SMOC1: variants seen among roughly 807,000 people sequenced by gnomAD.
SMOC1 encodes SPARC related modular calcium binding 1.
A neutral mutation model predicts 56.3 loss-of-function variants in SMOC1; 22 were observed. That is an observed-to-expected ratio of 0.39 (90% CI 0.28 to 0.56). SMOC1 has a LOEUF of 0.56. Ranked by LOEUF, SMOC1 falls within the 20% of genes least tolerant of loss-of-function variation. The probability of loss-of-function intolerance (pLI) is 0.61; values close to 1 mark genes in which losing one functional copy is unlikely to be tolerated. For missense variants in SMOC1, 509 were observed against 565.4 expected, an observed-to-expected ratio of 0.90 and a Z score of 1.01; for synonymous variants, 193 against 215.0, an observed-to-expected ratio of 0.90 and a Z score of 0.89.
At chr14:70,024,391 A>G (rs1202189047) in intron 11 of SMOC1, among the ~76,000 whole-genome samples, 3 of 152,192 alleles carry the variant, frequency 2.0e-5, no homozygotes, top group Non-Finnish European at 4.4e-5. Flanking sequence ...CTGTTTTTGT[A>G]CAGCCTGTGA....
intron 1 of SMOC1, among the ~76,000 whole-genome samples, chr14:69,939,637 C>T (rs1882473699): frequency 6.6e-6 from 1 of 152,182 alleles, no homozygotes; most frequent in Admixed American, 6.5e-5. Flanking sequence ...CCAGTCTCCC[C>T]TTAGCTTCTA....
chr14:70,015,649 C>T (rs1240776155), intron 10 of SMOC1, among the ~76,000 whole-genome samples: 2 of 151,928 alleles, frequency 1.3e-5, no homozygotes, highest in Non-Finnish European at 2.9e-5. Context: ...AGGAGCACAG[C>T]ACTAAGTCTG....
intron 1 of SMOC1, among the ~76,000 whole-genome samples, chr14:69,937,092 G>A (rs572758522): frequency 4.6e-5 from 7 of 152,254 alleles, no homozygotes; most frequent in African/African-American, 9.6e-5. Flanking sequence ...GTTATCCTTC[G>A]CATCAGAAAA....
At chr14:69,925,798 T>A (rs770356113) in intron 1 of SMOC1, among the ~76,000 whole-genome samples, 3 of 152,140 alleles carry the variant, frequency 2.0e-5, no homozygotes, top group African/African-American at 4.8e-5. Flanking sequence ...ATCCAGCAAG[T>A]TCATTGTAGG....
At chr14:69,931,400 A>C (rs111638807) in intron 1 of SMOC1, among the ~76,000 whole-genome samples, 5,479 of 152,278 alleles carry the variant, frequency 0.036, 349 homozygotes, top group African/African-American at 0.13. Context: ...CGTCCTCTGG[A>C]CAATTCCATG....
chr14:69,990,376 C>T (rs1026477574), intron 5 of SMOC1, among the ~76,000 whole-genome samples: 3 of 152,204 alleles, frequency 2.0e-5, no homozygotes, highest in Non-Finnish European at 4.4e-5. Flanking sequence ...AAGCCATATG[C>T]ACTTGAGTTC....
intron 11 of SMOC1, 97 bp downstream of exon 11, chr14:70,023,544 T>A: frequency 6.5e-7 from 1 of 1,535,696 alleles, no homozygotes; most frequent in Non-Finnish European, 9.0e-7. Context: ...CAGATACTCA[T>A]CTATTCATCA....
At chr14:69,901,207 G>T (rs893034141) in intron 1 of SMOC1, among the ~76,000 whole-genome samples, 8 of 152,122 alleles carry the variant, frequency 5.3e-5, no homozygotes, top group Non-Finnish European at 8.8e-5. Flanking sequence ...AGTCCATGAG[G>T]GTCCAAAGAG....
chr14:69,910,365 A>G (rs985541305), intron 1 of SMOC1, among the ~76,000 whole-genome samples: 1 of 152,238 alleles, frequency 6.6e-6, no homozygotes, highest in South Asian at 2.1e-4. Context: ...TTAATAGCAC[A>G]GCACAGCAAG....
At chr14:69,940,094 A>C (rs1882491118) in intron 1 of SMOC1, among the ~76,000 whole-genome samples, 1 of 152,150 alleles carries the variant, frequency 6.6e-6, no homozygotes, top group African/African-American at 2.4e-5. Flanking sequence ...CTTTGTCCAG[A>C]ATCTCTACAA....
chr14:69,915,068 A>G (rs1376068873), intron 1 of SMOC1, among the ~76,000 whole-genome samples: 2 of 151,948 alleles, frequency 1.3e-5, no homozygotes, highest in African/African-American at 2.4e-5. Context: ...GGGTTTCACC[A>G]TGTTGGCCAG....
intron 9 of SMOC1, among the ~76,000 whole-genome samples, chr14:70,012,461 G>A (rs1885374126): frequency 6.6e-6 from 1 of 152,262 alleles, no homozygotes; most frequent in Admixed American, 6.5e-5. Flanking sequence ...GATAGTTGTG[G>A]TGGGTACTCT....
chr14:69,995,291 GGTCCCCTTTAA>G (rs1171264164), intron 7 of SMOC1, among the ~76,000 whole-genome samples: 18 of 152,256 alleles, frequency 1.2e-4, no homozygotes, highest in Middle Eastern at 3.4e-3. Flanking sequence ...TCCTGTCATT[GGTCCCCTTTAA>G]GTTGACCTGT....
rs180797746 is a variant in SMOC1, at chr14:69,881,632, T to C, written c.99+1855T>C. 2.0e-4 allele frequency among the ~76,000 whole-genome samples: 31 copies of C among 152,226 alleles called. No individual in the cohort carries two copies. The East Asian group carries it at 4.8e-3, about 24-fold the overall frequency. ...TTCACACTCTCTCTCTCCTTCTTTC[T>C]TTTTTTCCCTCTTTCTCTCTCTCAC... On this transcript the variant is annotated intron_variant, in intron 1 of 11. Coordinates refer to ENST00000361956, the MANE Select transcript of SMOC1 (RefSeq NM_001034852.3).
At chr14:69,972,072 A>G (rs1172682189) in intron 3 of SMOC1, among the ~76,000 whole-genome samples, 2 of 152,182 alleles carry the variant, frequency 1.3e-5, no homozygotes, top group Non-Finnish European at 2.9e-5. Flanking sequence ...TCTCTTAACA[A>G]CTAAGATAAG....
At chr14:69,964,904 C>T (rs149801637) in intron 3 of SMOC1, among the ~76,000 whole-genome samples, 1 of 152,206 alleles carries the variant, frequency 6.6e-6, no homozygotes, top group East Asian at 1.9e-4. Context: ...ACCCTGGCTC[C>T]AGAGTTCTTG....
intron 10 of SMOC1, among the ~76,000 whole-genome samples, chr14:70,014,000 G>T (rs1040460786): frequency 3.9e-5 from 6 of 152,226 alleles, no homozygotes; most frequent in Non-Finnish European, 7.3e-5. Flanking sequence ...AATTGAGGTG[G>T]TAGCTGAGGC....
At chr14:69,922,810 TAACTG>T (rs937467399) in intron 1 of SMOC1, among the ~76,000 whole-genome samples, 2 of 151,992 alleles carry the variant, frequency 1.3e-5, no homozygotes, top group African/African-American at 4.8e-5. Context: ...ACAAATGAGA[TAACTG>T]AAAACCAACA....
chr14:69,898,430 A>T (rs533901806), intron 1 of SMOC1, among the ~76,000 whole-genome samples: 1 of 149,530 alleles, frequency 6.7e-6, no homozygotes, highest in Non-Finnish European at 1.5e-5. Flanking sequence ...TATACCTTTC[A>T]TGGTTTTCCC....
Sources: gnomAD v4.1 joint callset for allele counts (sites outside exome capture counted in the v4.1 genomes callset) on GRCh38, gnomAD v4.1.1 for gene constraint, MANE v1.5 for transcripts, NCBI Gene and HGNC (gene_info 2026-07-23, HGNC 2026-07-21) for gene names.